EGF: variants seen among roughly 807,000 people sequenced by gnomAD.
The protein encoded by EGF is epidermal growth factor.
In EGF, 95 loss-of-function variants were observed where a neutral mutation model predicts 143.8. The observed-to-expected ratio is 0.66, with a 90% CI of 0.56 to 0.78. The LOEUF (loss-of-function observed/expected upper bound fraction) is 0.78, where lower values mean the gene tolerates loss of function less well. EGF is among the 30% of genes least tolerant of loss of function. The pLI is 0.00. For synonymous variants in EGF, 510 were observed against 510.5 expected (o/e 1.00, Z 0.01); for missense variants, 1,320 against 1,470.9 (o/e 0.90, Z 1.68).
At chr4:109,994,616 C>A in intron 19 of EGF, 117 bp from the exon 20 acceptor site, 1 of 1,207,874 alleles carries the variant, frequency 8.3e-7, no homozygotes, top group Non-Finnish European at 1.2e-6. Context: ...TCTAGTAGTT[C>A]TTCTGTCACT....
intron 18 of EGF, 51 bp downstream of exon 18, chr4:109,988,760 C>A: frequency 6.2e-7 from 1 of 1,611,156 alleles, no homozygotes; most frequent in South Asian, 1.1e-5. Context: ...CCTCAGAAAT[C>A]GGGAAACAAT....
chr4:109,989,950 TATGTAGTTATA>T (rs1254662884), intron 18 of EGF, among the ~76,000 whole-genome samples: 1 of 152,138 alleles, frequency 6.6e-6, no homozygotes, highest in Non-Finnish European at 1.5e-5. Context: ...CCCATATATA[TATGTAGTTATA>T]ATACTTCGAA....
chr4:109,996,486 G>A (rs1055321460), intron 20 of EGF, among the ~76,000 whole-genome samples: 5 of 152,198 alleles, frequency 3.3e-5, no homozygotes, highest in African/African-American at 7.2e-5. Flanking sequence ...TAAAAATGTG[G>A]TTTAATTAAC....
chr4:109,951,749 T>G (rs1743962399), intron 5 of EGF, among the ~76,000 whole-genome samples: 2 of 152,212 alleles, frequency 1.3e-5, no homozygotes, highest in Admixed American at 1.3e-4. Flanking sequence ...AGAATTGGGA[T>G]TTGAAACCAG....
At chr4:109,994,654 A>G in intron 19 of EGF, 79 bp from the exon 20 acceptor site, 1 of 1,496,948 alleles carries the variant, frequency 6.7e-7, no homozygotes, top group Non-Finnish European at 9.2e-7. Context: ...AACTATTCAC[A>G]GAAACTAGTT....
intron 1 of EGF, among the ~76,000 whole-genome samples, chr4:109,933,976 T>G (rs925577746): frequency 2.6e-5 from 4 of 152,216 alleles, no homozygotes; most frequent in African/African-American, 4.8e-5. Context: ...TTTGTAGTTC[T>G]AGATCCTTGA....
At chr4:109,995,371 C>G (rs1751630120) in intron 20 of EGF, among the ~76,000 whole-genome samples, 1 of 152,198 alleles carries the variant, frequency 6.6e-6, no homozygotes, top group Non-Finnish European at 1.5e-5. Flanking sequence ...TTTTTCTTCA[C>G]TTCCTAACAG....
chr4:109,988,505 T>A, intron 17 of EGF, 79 bp from the exon 18 acceptor site: 1 of 1,594,506 alleles, frequency 6.3e-7, no homozygotes, highest in Non-Finnish European at 8.6e-7. Context: ...GAATATACGA[T>A]TATGCTTATT....
At chr4:109,916,961 C>T (rs1736764251) in intron 1 of EGF, among the ~76,000 whole-genome samples, 1 of 152,006 alleles carries the variant, frequency 6.6e-6, no homozygotes, top group African/African-American at 2.4e-5. Flanking sequence ...ATTAAAAATA[C>T]AAGAACATGT....
chr4:109,960,823 C>A (rs748724766), intron 6 of EGF, 44 bp from the exon 7 acceptor site: 5 of 1,611,754 alleles, frequency 3.1e-6, no homozygotes, highest in Non-Finnish European at 3.4e-6. Context: ...AATTTATTTT[C>A]AAAAATAGCC....
chr4:110,002,106 G>A lies in EGF; in HGVS notation c.3173+2260G>A. The A allele has an allele frequency of 4.3e-6, 4 of 925,224 alleles. No individual in the cohort carries two copies. The South Asian group carries it at 1.5e-4, about 35-fold the overall frequency. 57.3% of individuals were successfully genotyped at this position (925,224 alleles called of 1,614,324 possible). A position where few individuals can be genotyped will look rare whatever the true frequency, so the allele number is the denominator to read the frequency against. On this transcript the variant is annotated intron_variant, in intron 21 of 23. Coordinates refer to ENST00000265171, the MANE Select transcript of EGF (RefSeq NM_001963.6). ...ACATGCTAACTGTTTTTCTTTAAAG[G>A]GTTAAAATCAGTTATTTCCTCCCTT...
intron 5 of EGF, among the ~76,000 whole-genome samples, chr4:109,951,398 C>A (rs1020734170): frequency 1.3e-5 from 2 of 151,876 alleles, no homozygotes; most frequent in Non-Finnish European, 2.9e-5. Flanking sequence ...AAAAAAAATT[C>A]TTTGGCACTC....
At position 110,012,911 on chromosome 4, in the gene EGF, A is replaced by G. The variant is rs2126209242; in HGVS notation, c.*1456A>G. On this transcript the variant is annotated 3_prime_UTR_variant, in exon 24 of 24. Transcript: ENST00000265171. ...CCCTTTGTTTATCTTTCATTTCTCA[A>G]CCCCTTGTACTTTGGTGATACCAGA... Among the ~76,000 whole-genome samples the G allele has an allele frequency of 6.6e-6, 1 of 152,132 alleles. No homozygotes were observed. Among genetic ancestry groups the G allele is most frequent in the South Asian group, 2.1e-4 (1 of 4,818 alleles).
chr4:109,949,813 A>C (rs1743529573), intron 5 of EGF, among the ~76,000 whole-genome samples: 1 of 152,246 alleles, frequency 6.6e-6, no homozygotes, highest in African/African-American at 2.4e-5. Context: ...AGGGGCTTAC[A>C]AAGGCAAAGC....
intron 18 of EGF, among the ~76,000 whole-genome samples, chr4:109,992,155 C>G (rs1751021347): frequency 9.2e-6 from 1 of 108,968 alleles, no homozygotes; most frequent in African/African-American, 3.8e-5. Context: ...TCCTTAGCAA[C>G]CAAGCAAGAT....
chr4:109,938,150 C>T (rs1741188772), intron 1 of EGF, among the ~76,000 whole-genome samples: 2 of 152,160 alleles, frequency 1.3e-5, no homozygotes, highest in Non-Finnish European at 2.9e-5. Flanking sequence ...TCAGGTACAC[C>T]AATCAAATGT....
intron 21 of EGF, among the ~76,000 whole-genome samples, chr4:110,002,288 T>A (rs1578398616): frequency 6.6e-6 from 1 of 151,676 alleles, no homozygotes; most frequent in South Asian, 2.1e-4. Context: ...AGCCCAGGAG[T>A]TCAAACCAAC....
intron 13 of EGF, among the ~76,000 whole-genome samples, chr4:109,979,075 T>C (rs953307228): frequency 6.6e-6 from 1 of 152,218 alleles, no homozygotes; most frequent in African/African-American, 2.4e-5. Flanking sequence ...ATTCAATACT[T>C]GCATGCCTTC....
intron 21 of EGF, chr4:110,001,548 A>G: frequency 1.1e-6 from 1 of 943,466 alleles, no homozygotes. Context: ...AATGGAAACT[A>G]GAAACTTAAG....
Sources: allele counts gnomAD v4.1 joint callset (sites outside exome capture counted in the v4.1 genomes callset), GRCh38; gene constraint gnomAD v4.1.1; transcripts MANE v1.5; gene names NCBI Gene and HGNC (gene_info 2026-07-23, HGNC 2026-07-21).